MNAT1: variants seen among roughly 807,000 people sequenced by gnomAD.
The protein encoded by MNAT1 is MNAT1 component of CDK activating kinase.
A neutral mutation model predicts 42.0 loss-of-function variants in MNAT1; 43 were observed. That is an observed-to-expected ratio of 1.02 (90% CI 0.80 to 1.32). MNAT1 has a LOEUF of 1.32. MNAT1 is among the 40% of genes most tolerant of loss of function. MNAT1 has a pLI of 0.00. For missense variants in MNAT1, 306 were observed against 350.4 expected (o/e 0.87, Z 1.01); for synonymous variants, 118 against 120.0 (o/e 0.98, Z 0.11).
At chr14:60,790,828 C>G (rs1164422692) in intron 1 of MNAT1, among the ~76,000 whole-genome samples, 1 of 152,174 alleles carries the variant, frequency 6.6e-6, no homozygotes, top group African/African-American at 2.4e-5. Flanking sequence ...AAAATAATAT[C>G]TACATCATAT....
intron 7 of MNAT1, among the ~76,000 whole-genome samples, chr14:60,885,813 G>A (rs2034656023): frequency 1.3e-5 from 2 of 151,862 alleles, no homozygotes; most frequent in Admixed American, 6.6e-5. Context: ...TGCGTATTTG[G>A]TGTCTTATCC....
chr14:60,868,501 A>G (rs753906547), intron 6 of MNAT1, among the ~76,000 whole-genome samples: 6 of 152,200 alleles, frequency 3.9e-5, no homozygotes, highest in Non-Finnish European at 7.4e-5. Context: ...GACTCAGTTC[A>G]TGAAACAAAC....
In MNAT1 at chr14:60,822,812, A is replaced by G. The variant is rs1235956342; in HGVS notation, c.687+3965A>G. ...TGGTCTGTCGACCAGGCTGGAGTGC[A>G]GTGACACAATCTGGACTCCCTGCAA... On this transcript the variant is annotated intron_variant, in intron 6 of 7. Coordinates refer to ENST00000261245, the MANE Select transcript of MNAT1 (RefSeq NM_002431.4). Among the ~76,000 whole-genome samples, 8 of 151,956 alleles carry G rather than the reference A, an allele frequency of 5.3e-5. 1 individual carries two copies.
intron 7 of MNAT1, among the ~76,000 whole-genome samples, chr14:60,928,912 T>G (rs979232976): frequency 6.6e-6 from 1 of 151,118 alleles, no homozygotes; most frequent in African/African-American, 2.4e-5. Context: ...GAGGCCTAGG[T>G]GGGCAGATTA....
intron 3 of MNAT1, among the ~76,000 whole-genome samples, chr14:60,803,510 G>A (rs1395935138): frequency 1.3e-5 from 2 of 152,148 alleles, no homozygotes; most frequent in African/African-American, 4.8e-5. Flanking sequence ...TGCATTGCTA[G>A]TAAAGAATGG....
intron 5 of MNAT1, among the ~76,000 whole-genome samples, chr14:60,815,161 T>C (rs1257887510): frequency 6.6e-6 from 1 of 152,150 alleles, no homozygotes; most frequent in African/African-American, 2.4e-5. Context: ...AAAAAAGTTT[T>C]TAGATTTTAT....
intron 7 of MNAT1, among the ~76,000 whole-genome samples, chr14:60,966,124 A>C (rs561965875): frequency 6.6e-6 from 1 of 151,200 alleles, no homozygotes; most frequent in Non-Finnish European, 1.5e-5. Context: ...TTTAACAACG[A>C]CTATTTTTCT....
chr14:60,774,154 G>A (rs2031164494), intron 1 of MNAT1, among the ~76,000 whole-genome samples: 2 of 152,172 alleles, frequency 1.3e-5, no homozygotes, highest in Non-Finnish European at 2.9e-5. Flanking sequence ...AATTTTGGCT[G>A]TTTTGTGGCA....
In MNAT1 at chr14:60,833,796, G is replaced by A. The variant is rs112360503; in HGVS notation, c.687+14949G>A. 5.4e-4 allele frequency among the ~76,000 whole-genome samples: 82 copies of A among 152,212 alleles called. 1 individual carries two copies. The highest frequency in any genetic ancestry group is 1.9e-3 in the African/African-American group (79 of 41,544). ...TCTGGTAGTATTCAGCTGTGAATCT[G>A]TATGTTCCTGGGCTTTTTTTGGTTG... On this transcript the variant is annotated intron_variant, in intron 6 of 7. Transcript: ENST00000261245.
At chr14:60,942,003 C>CAA (rs3080602) in intron 7 of MNAT1, among the ~76,000 whole-genome samples, 7,607 of 29,868 alleles carry the variant, frequency 0.25, 2,875 homozygotes, top group Non-Finnish European at 0.29. Flanking sequence ...GGCTCCATCT[C>CAA]AAAAAAAAAA....
chr14:60,850,364 A>G (rs1000707815), intron 6 of MNAT1, among the ~76,000 whole-genome samples: 8 of 152,200 alleles, frequency 5.3e-5, no homozygotes, highest in African/African-American at 1.4e-4. Context: ...GTTATTTTCC[A>G]TGTTCTGCAT....
intron 7 of MNAT1, among the ~76,000 whole-genome samples, chr14:60,966,938 T>A (rs1487729803): frequency 6.6e-6 from 1 of 152,098 alleles, no homozygotes. Context: ...GTATTCTACA[T>A]AAAACATATC....
chr14:60,960,211 C>T (rs2036563569), intron 7 of MNAT1, among the ~76,000 whole-genome samples: 1 of 152,072 alleles, frequency 6.6e-6, no homozygotes, highest in African/African-American at 2.4e-5. Flanking sequence ...GTGGCTTACA[C>T]CTCCCTTGTG....
chr14:60,960,068 G>C (rs2036561118), intron 7 of MNAT1, among the ~76,000 whole-genome samples: 1 of 151,900 alleles, frequency 6.6e-6, no homozygotes, highest in African/African-American at 2.4e-5. Flanking sequence ...TGGACATTTG[G>C]TTGTTTCTGT....
At chr14:60,869,425 A>G (rs938749339) in intron 6 of MNAT1, among the ~76,000 whole-genome samples, 2 of 152,128 alleles carry the variant, frequency 1.3e-5, no homozygotes, top group African/African-American at 4.8e-5. Flanking sequence ...TGAGGTACCT[A>G]TGACAGTGAG....
At chr14:60,936,158 G>T (rs1224744642) in intron 7 of MNAT1, among the ~76,000 whole-genome samples, 2 of 152,140 alleles carry the variant, frequency 1.3e-5, no homozygotes, top group African/African-American at 2.4e-5. Flanking sequence ...TCCCTCATCT[G>T]CACGAAAGCA....
At chr14:60,801,238 A>G (rs914322259) in intron 3 of MNAT1, among the ~76,000 whole-genome samples, 25 of 152,074 alleles carry the variant, frequency 1.6e-4, no homozygotes, top group African/African-American at 6.0e-4. Context: ...ATGAGCAAGT[A>G]GTCTGTTATA....
At chr14:60,874,152 ATTAT>A (rs755308484) in intron 6 of MNAT1, among the ~76,000 whole-genome samples, 5 of 152,168 alleles carry the variant, frequency 3.3e-5, no homozygotes, top group Admixed American at 2.6e-4. Flanking sequence ...CATATTAAAC[ATTAT>A]TTATTTATCA....
intron 7 of MNAT1, chr14:60,880,061 T>A (rs1778728168): frequency 3.3e-6 from 1 of 305,514 alleles, no homozygotes; most frequent in East Asian, 5.6e-5. Flanking sequence ...CTTTTAGAAG[T>A]CTGTCCTTGG....
Sources: gnomAD v4.1 joint callset for allele counts (sites outside exome capture counted in the v4.1 genomes callset) on GRCh38, gnomAD v4.1.1 for gene constraint, MANE v1.5 for transcripts, NCBI Gene and HGNC (gene_info 2026-07-23, HGNC 2026-07-21) for gene names.